Variants in SPRR2G observed in about 807,000 individuals in gnomAD.
The protein encoded by SPRR2G is small proline-rich protein 2G.
A neutral mutation model predicts 0.7 loss-of-function variants in SPRR2G; 1 was observed. The observed-to-expected ratio is 1.49, with a 90% CI of 0.53 to 7.06. SPRR2G has a LOEUF of 7.06. SPRR2G is among the 30% of genes most tolerant of loss of function. SPRR2G has a pLI of 0.14. For synonymous variants in SPRR2G, 38 were observed against 33.9 expected (o/e 1.12, Z -0.42); for missense variants, 96 against 88.5 (o/e 1.09, Z -0.34).
At chr1:153,180,823 A>C in the SPRR2G span, among the ~76,000 whole-genome samples, 3 of 152,140 alleles carry the variant, frequency 2.0e-5, no homozygotes, top group African/African-American at 4.8e-5. Context: ...GGCTATGTGG[A>C]GATAACACGT....
the SPRR2G span, among the ~76,000 whole-genome samples, chr1:153,167,075 A>G: frequency 5.2e-3 from 787 of 152,360 alleles, 11 homozygotes; most frequent in Middle Eastern, 0.02. Context: ...CCATCACAGA[A>G]GGCTCAAAAT....
the SPRR2G span, among the ~76,000 whole-genome samples, chr1:153,157,313 A>AT: frequency 6.6e-6 from 1 of 152,176 alleles, no homozygotes; most frequent in Admixed American, 6.5e-5. Flanking sequence ...ATACTGACAA[A>AT]TTTATAGGTG....
At chr1:153,172,441 C>T in the SPRR2G span, among the ~76,000 whole-genome samples, 413 of 152,174 alleles carry the variant, frequency 2.7e-3, 1 homozygote, top group African/African-American at 8.7e-3. Context: ...ACATCCTTCC[C>T]CCACTCAAGA....
chr1:153,165,413 T>C, the SPRR2G span, among the ~76,000 whole-genome samples: 1 of 152,216 alleles, frequency 6.6e-6, no homozygotes, highest in Non-Finnish European at 1.5e-5. Flanking sequence ...AGCTAGATTA[T>C]GACAGACAGA....
the SPRR2G span, among the ~76,000 whole-genome samples, chr1:153,165,750 G>T: frequency 6.6e-6 from 1 of 152,180 alleles, no homozygotes; most frequent in Non-Finnish European, 1.5e-5. Flanking sequence ...TGGCTTTGGA[G>T]GGAAATCAGA....
chr1:153,174,215 C>T, the SPRR2G span, among the ~76,000 whole-genome samples: 1 of 152,176 alleles, frequency 6.6e-6, no homozygotes, highest in Non-Finnish European at 1.5e-5. Context: ...ATTTAAAGAG[C>T]AGGCTAATAC....
At chr1:153,192,768 A>G in the SPRR2G span, among the ~76,000 whole-genome samples, 1 of 152,206 alleles carries the variant, frequency 6.6e-6, no homozygotes. Flanking sequence ...TCCACAGCTT[A>G]AAGTCTTTTT....
the SPRR2G span, among the ~76,000 whole-genome samples, chr1:153,160,114 G>A: frequency 6.6e-6 from 1 of 152,108 alleles, no homozygotes; most frequent in Non-Finnish European, 1.5e-5. Context: ...TGCTTCCATA[G>A]GTCTGGATAT....
chr1:153,198,521 C>A, the SPRR2G span, among the ~76,000 whole-genome samples: 5 of 152,240 alleles, frequency 3.3e-5, no homozygotes, highest in East Asian at 9.7e-4. Context: ...CCCAAACACA[C>A]CCTGGCTTAG....
the SPRR2G span, among the ~76,000 whole-genome samples, chr1:153,164,557 A>G: frequency 6.6e-6 from 1 of 152,216 alleles, no homozygotes. Flanking sequence ...GGACCCTCCC[A>G]TAGATACCAA....
Position 153,149,875 on chromosome 1 carries a change from G to A in SPRR2G, c.*14C>T. On this transcript the variant is annotated 3_prime_UTR_variant, in exon 2 of 2. Coordinates refer to ENST00000368748, the MANE Select transcript of SPRR2G (RefSeq NM_001014291.4). ...GATCTTGTTGTTTCATGGTCCTGAT[G>A]AATTCTAGTGATGTTACTTGCTCTT... The A allele has an allele frequency of 3.7e-6, 6 of 1,613,952 alleles. No homozygotes were observed. Among genetic ancestry groups the A allele is most frequent in the East Asian group, 2.2e-5 (1 of 44,888 alleles).
chr1:153,192,346 T>C, the SPRR2G span, among the ~76,000 whole-genome samples: 1 of 152,346 alleles, frequency 6.6e-6, no homozygotes, highest in African/African-American at 2.4e-5. Flanking sequence ...AGTTTGAATC[T>C]AATCATATTA....
At chr1:153,155,693 A>T (rs138425599), upstream of SPRR2G, among the ~76,000 whole-genome samples, 7 of 151,880 alleles carry the variant, frequency 4.6e-5, no homozygotes, top group African/African-American at 1.7e-4. Flanking sequence ...TTATTACTCC[A>T]CTTTTTGAAC....
the SPRR2G span, among the ~76,000 whole-genome samples, chr1:153,167,775 T>C: frequency 6.6e-6 from 1 of 152,216 alleles, no homozygotes; most frequent in Non-Finnish European, 1.5e-5. Context: ...TAAAGGTTTT[T>C]GGATCTTACC....
chr1:153,196,752 G>A, the SPRR2G span, among the ~76,000 whole-genome samples: 1 of 152,196 alleles, frequency 6.6e-6, no homozygotes, highest in African/African-American at 2.4e-5. Context: ...TTCCTTACCT[G>A]TGCAAAGAGA....
the SPRR2G span, among the ~76,000 whole-genome samples, chr1:153,180,589 C>T: frequency 1.3e-5 from 2 of 152,088 alleles, no homozygotes; most frequent in South Asian, 4.1e-4. Context: ...ACGTATTTGT[C>T]CTTTTGTGAC....
the SPRR2G span, among the ~76,000 whole-genome samples, chr1:153,199,176 G>C: frequency 6.6e-6 from 1 of 152,192 alleles, no homozygotes; most frequent in East Asian, 1.9e-4. Flanking sequence ...AGTGAAAGGG[G>C]AGGATGTATA....
the SPRR2G span, among the ~76,000 whole-genome samples, chr1:153,162,065 C>A: frequency 6.6e-6 from 1 of 151,996 alleles, no homozygotes; most frequent in Admixed American, 6.6e-5. Flanking sequence ...TAGGTAAACT[C>A]GTGTCATGGG....
chr1:153,177,972 C>A, the SPRR2G span, among the ~76,000 whole-genome samples: 411 of 151,428 alleles, frequency 2.7e-3, 1 homozygote, highest in African/African-American at 8.7e-3. Flanking sequence ...AATATGTGAA[C>A]CTATATCTCT....
Sources: allele counts gnomAD v4.1 joint callset (sites outside exome capture counted in the v4.1 genomes callset), GRCh38; gene constraint gnomAD v4.1.1; transcripts MANE v1.5; gene names NCBI Gene and HGNC (gene_info 2026-07-23, HGNC 2026-07-21).